The following DIPK2B variants were observed in gnomAD, a reference collection of about 807,000 sequenced individuals.
The protein encoded by DIPK2B is UPF0672 protein CXorf36.
A neutral mutation model predicts 22.2 loss-of-function variants in DIPK2B; 15 were observed. That is an observed-to-expected ratio of 0.68 (90% CI 0.45 to 1.04). The LOEUF (loss-of-function observed/expected upper bound fraction) is 1.04. Among genes scored for constraint, DIPK2B ranks in the 50% least tolerant of loss-of-function variants. The pLI is 0.00. For missense variants in DIPK2B, 345 were observed against 348.3 expected (o/e 0.99, Z 0.08); for synonymous variants, 163 against 153.2 (o/e 1.06, Z -0.47).
chrX:45,157,627 A>G, intron 3 of DIPK2B, 88 bp downstream of exon 3: 1 of 964,446 alleles, frequency 1.0e-6, no homozygotes, highest in Non-Finnish European at 1.4e-6. Flanking sequence ...GACATGCAGT[A>G]AAAGGAGGGA....
chrX:45,197,033 G>T (rs1275008261), intron 1 of DIPK2B, among the ~76,000 whole-genome samples: 2 of 111,913 alleles, frequency 1.8e-5, no homozygotes, highest in Non-Finnish European at 3.8e-5. Context: ...TGTGTGTTCA[G>T]CATATCCAGC....
chrX:45,177,791 CAGA>C (rs746002115), intron 2 of DIPK2B, among the ~76,000 whole-genome samples: 1 of 111,359 alleles, frequency 9.0e-6, no homozygotes. Flanking sequence ...ACTCTAAAAT[CAGA>C]AGGTCTCCAG....
rs777332582 is a variant in DIPK2B, at chrX:45,184,126, C to T, written c.498+7625G>A. Among the ~76,000 whole-genome samples, 16 of 111,032 alleles carry T rather than the reference C, an allele frequency of 1.4e-4. No individual in the cohort carries two copies. In the East Asian group the frequency reaches 2.0e-3, roughly 14 times the overall value. The stretch of plus-strand genomic sequence containing the variant: ...AGAAGCTTCAATATGAGAGGAATGC[C>T]GAGATGAAAAAGAGAACTGGGGATG... On this transcript the variant is annotated intron_variant, in intron 2 of 4. Transcript: ENST00000398000.
intron 1 of DIPK2B, among the ~76,000 whole-genome samples, chrX:45,196,778 T>C (rs1162531481): frequency 8.9e-6 from 1 of 111,771 alleles, no homozygotes; most frequent in Non-Finnish European, 1.9e-5. Flanking sequence ...TCTCAGGGTT[T>C]CATATATAGG....
Position 45,151,831 on chromosome X carries a change from G to A in DIPK2B, c.1123C>T (p.Pro375Ser), listed in dbSNP as rs1424031894. 2 of 1,211,713 alleles carry A rather than the reference G, an allele frequency of 1.7e-6. No individual in the cohort carries two copies. Residue 375 changes from proline to serine, a missense_variant, in exon 5 of 5, where the codon CCC becomes TCC. Pro to Ser is a moderately conservative substitution (Grantham distance 74). Coordinates refer to ENST00000398000, the MANE Select transcript of DIPK2B (RefSeq NM_176819.4). ...LLPRLLQGRF[P>S]SPVQDDIDSI... ...TCTATGTCGTCTTGCACTGGGGAGG[G>A]GAACCTCCCCTGGAGAAGTCGAGGC...
intron 2 of DIPK2B, among the ~76,000 whole-genome samples, chrX:45,186,167 G>GAC (rs1402337057): frequency 8.9e-6 from 1 of 111,953 alleles, no homozygotes. Context: ...TAAATTAGAT[G>GAC]ATTCAAAATC....
intron 2 of DIPK2B, among the ~76,000 whole-genome samples, chrX:45,182,269 C>A (rs1023154167): frequency 9.0e-6 from 1 of 110,824 alleles, no homozygotes; most frequent in African/African-American, 3.3e-5. Context: ...AAGATGAGAT[C>A]AAAAAAGCCA....
In DIPK2B at chrX:45,187,119, T is replaced by C. The variant is rs182447268; in HGVS notation, c.498+4632A>G. On this transcript the variant is annotated intron_variant, in intron 2 of 4. Coordinates refer to ENST00000398000, the MANE Select transcript of DIPK2B (RefSeq NM_176819.4). Reference sequence around the variant, plus strand: ...GGGGAAAGGCTCTGCGGCCATCTAGTGTATTCCCGTTTGGAGGAACACACT... The same window carrying C: ...GGGGAAAGGCTCTGCGGCCATCTAGCGTATTCCCGTTTGGAGGAACACACT... Among the ~76,000 whole-genome samples the C allele has an allele frequency of 2.9e-4, 33 of 112,094 alleles. 1 individual carries two copies. The East Asian group carries it at 8.7e-3, about 30-fold the overall frequency.
At chrX:45,192,408 A>G (rs1209442661) in intron 1 of DIPK2B, among the ~76,000 whole-genome samples, 4 of 110,912 alleles carry the variant, frequency 3.6e-5, no homozygotes, top group Non-Finnish European at 7.6e-5. Flanking sequence ...TACCTTGGCC[A>G]AGGTCAGACA....
intron 2 of DIPK2B, among the ~76,000 whole-genome samples, chrX:45,187,855 T>C (rs1433204203): frequency 9.0e-6 from 1 of 111,054 alleles, no homozygotes; most frequent in East Asian, 2.8e-4. Context: ...GTGAGCTCCT[T>C]GTGGCATCTT....
intron 2 of DIPK2B, among the ~76,000 whole-genome samples, chrX:45,182,666 T>C (rs4358917): frequency 0.012 from 1,416 of 113,310 alleles, 10 homozygotes; most frequent in Middle Eastern, 0.032. Flanking sequence ...TGTGAAACCA[T>C]CACAGAGCGG....
intron 3 of DIPK2B, among the ~76,000 whole-genome samples, chrX:45,155,904 A>G (rs1268656521): frequency 9.4e-6 from 1 of 106,435 alleles, no homozygotes; most frequent in Non-Finnish European, 1.9e-5. Context: ...TTTAACGCAC[A>G]TACTGCATTG....
intron 2 of DIPK2B, among the ~76,000 whole-genome samples, chrX:45,172,263 T>A (rs750972696): frequency 2.7e-5 from 3 of 112,142 alleles, no homozygotes; most frequent in Non-Finnish European, 5.6e-5. Flanking sequence ...GCTCCCTGAT[T>A]AAGATACAAG....
Position 45,149,411 on chromosome X carries a change from C to A in DIPK2B, c.*2241G>T, listed in dbSNP as rs1313305422. On this transcript the variant is annotated 3_prime_UTR_variant, in exon 5 of 5. Coordinates refer to ENST00000398000, the MANE Select transcript of DIPK2B (RefSeq NM_176819.4). ...AGACCAACTCAGAAGGCAGCCATTT[C>A]AAAGCGTCTCAGGCAGCCCAAGCTT... 8.9e-6 allele frequency: 1 copy of A among 112,760 alleles called. No individual in the cohort carries two copies. Among genetic ancestry groups the A allele is most frequent in the Non-Finnish European group, 1.9e-5 (1 of 53,310 alleles). 9.3% of individuals were successfully genotyped at this position (112,760 alleles called of 1,213,427 possible). A position where few individuals can be genotyped will look rare whatever the true frequency, so the allele number is the denominator to read the frequency against.
rs764338780 is a variant in DIPK2B, at chrX:45,151,626, C to T, written c.*26G>A. ...AGAATGGAGAGCCAAGCGTGTTGTC[C>T]CCAAGGCCAGCTAGACACCAGCCCT... On this transcript the variant is annotated 3_prime_UTR_variant, in exon 5 of 5. Coordinates refer to ENST00000398000, the MANE Select transcript of DIPK2B (RefSeq NM_176819.4). 4 of 1,187,615 alleles carry T rather than the reference C, an allele frequency of 3.4e-6. No individual in the cohort carries two copies. The highest frequency in any genetic ancestry group is 4.5e-6 in the Non-Finnish European group (4 of 880,249).
chrX:45,173,123 G>T (rs1193474296), intron 2 of DIPK2B, among the ~76,000 whole-genome samples: 3 of 111,687 alleles, frequency 2.7e-5, no homozygotes, highest in African/African-American at 9.8e-5. Context: ...TGTTTTATAG[G>T]GTTTTGACTT....
At chrX:45,172,131 TG>T (rs2047086006) in intron 2 of DIPK2B, among the ~76,000 whole-genome samples, 1 of 112,287 alleles carries the variant, frequency 8.9e-6, no homozygotes, top group East Asian at 2.8e-4. Context: ...AAGGCAGGAC[TG>T]GAGCCAGATA....
At chrX:45,194,929 C>T (rs1344527935) in intron 1 of DIPK2B, among the ~76,000 whole-genome samples, 1 of 111,701 alleles carries the variant, frequency 9.0e-6, no homozygotes, top group East Asian at 2.8e-4. Context: ...CTGTCCCCAC[C>T]TCCTAAGGAG....
At chrX:45,196,791 T>C (rs1189787595) in intron 1 of DIPK2B, among the ~76,000 whole-genome samples, 2 of 111,837 alleles carry the variant, frequency 1.8e-5, no homozygotes, top group Non-Finnish European at 3.8e-5. Flanking sequence ...TATATAGGTA[T>C]ATTGTCAGTA....
Sources: allele counts gnomAD v4.1 joint callset (sites outside exome capture counted in the v4.1 genomes callset), GRCh38; gene constraint gnomAD v4.1.1; transcripts MANE v1.5; gene names NCBI Gene and HGNC (gene_info 2026-07-23, HGNC 2026-07-21).